The following LPIN2 variants were observed in gnomAD, a reference collection of about 807,000 sequenced individuals.
LPIN2 encodes the protein phosphatidate phosphatase LPIN2.
In LPIN2, 55 loss-of-function variants were observed where a neutral mutation model predicts 111.4. That is an observed-to-expected ratio of 0.49 (90% confidence interval 0.40 to 0.62). The LOEUF (loss-of-function observed/expected upper bound fraction) is 0.62. Ranked by LOEUF, LPIN2 falls within the 20% of genes least tolerant of loss-of-function variation. The pLI is 0.00. For synonymous variants in LPIN2, 425 were observed against 414.0 expected (o/e 1.03, Z -0.32); for missense variants, 992 against 1,112.1 (o/e 0.89, Z 1.54).
intron 1 of LPIN2, among the ~76,000 whole-genome samples, chr18:2,988,489 ATG>A (rs1405840514): frequency 6.6e-6 from 1 of 152,232 alleles, no homozygotes; most frequent in African/African-American, 2.4e-5. Context: ...CTTGACTGAG[ATG>A]TGTAAGAAAA....
chr18:2,952,714 T>C (rs2077555051), intron 3 of LPIN2, among the ~76,000 whole-genome samples: 1 of 152,224 alleles, frequency 6.6e-6, no homozygotes. Flanking sequence ...CAATGATCTT[T>C]ATTTTACTTA....
chr18:2,919,385 G>A lies in LPIN2; in HGVS notation c.*908C>T, dbSNP rs758307175. ...TGAATCACAGAATTTTAGAAATCCTGTCCCAAGGCAAGATGCTTTCCAAAG... is the reference window on the plus strand; with the variant it reads ...TGAATCACAGAATTTTAGAAATCCTATCCCAAGGCAAGATGCTTTCCAAAG... On this transcript the variant is annotated 3_prime_UTR_variant, in exon 20 of 20. Coordinates refer to ENST00000677752, the MANE Select transcript of LPIN2 (RefSeq NM_001375808.2). 1.3e-5 allele frequency: 2 copies of A among 152,186 alleles called. No homozygotes were observed. Among genetic ancestry groups the A allele is most frequent in the Admixed American group, 6.5e-5 (1 of 15,274 alleles). 9.4% of individuals were successfully genotyped at this position (152,186 alleles called of 1,614,324 possible).
At chr18:3,010,701 C>A (rs1056935217) in intron 1 of LPIN2, among the ~76,000 whole-genome samples, 2 of 152,148 alleles carry the variant, frequency 1.3e-5, no homozygotes, top group African/African-American at 2.4e-5. Context: ...TAAGCACCTA[C>A]GGGAGATAAC....
At chr18:2,935,968 C>T (rs1319234629) in intron 7 of LPIN2, among the ~76,000 whole-genome samples, 1 of 152,164 alleles carries the variant, frequency 6.6e-6, no homozygotes, top group African/African-American at 2.4e-5. Flanking sequence ...AAAAACAAAG[C>T]ATTCATCCTA....
Position 2,925,443 on chromosome 18 carries a change from G to C in LPIN2, c.1794-75C>G. ...ATGAGAGCTTTTCATTTAGGATCAA[G>C]AAAATAAAGATATCCTAAATCTTTT... On this transcript the variant is annotated intron_variant, in intron 13 of 19. Coordinates refer to ENST00000677752, the MANE Select transcript of LPIN2 (RefSeq NM_001375808.2). The surrounding 1 kb of genome is among the most constrained non-coding windows in gnomAD (Gnocchi z 4.1). 1 of 1,581,802 alleles carries C rather than the reference G, an allele frequency of 6.3e-7. No homozygotes were observed. Among genetic ancestry groups the C allele is most frequent in the Non-Finnish European group, 8.7e-7 (1 of 1,153,058 alleles).
In LPIN2 at chr18:2,994,248, TTTC is replaced by T. The variant is rs928319314; in HGVS notation, c.-10+18836_-10+18838del. Among the ~76,000 whole-genome samples, 105 of 152,358 alleles carry T rather than the reference TTTC, an allele frequency of 6.9e-4. 1 individual carries two copies. Among genetic ancestry groups the T allele is most frequent in the African/African-American group, 2.2e-3 (93 of 41,582 alleles). ...CCAAAATACAAAGGCAGTAAGTGTT[TTTC>T]TTCTTCATTTCAGACCTCTAGGAAA... On this transcript the variant is annotated intron_variant, in intron 1 of 19. Transcript: ENST00000677752.
At chr18:2,921,136 ATCT>A in intron 18 of LPIN2, 1 of 574,936 alleles carries the variant, frequency 1.7e-6, no homozygotes, top group Non-Finnish European at 3.1e-6. Flanking sequence ...GAGAGGCCAC[ATCT>A]TCTGCACACC....
At chr18:2,976,619 C>T (rs1273049426) in intron 1 of LPIN2, among the ~76,000 whole-genome samples, 2 of 152,220 alleles carry the variant, frequency 1.3e-5, no homozygotes, top group African/African-American at 2.4e-5. Flanking sequence ...ACCCACTAAA[C>T]ATTTCCTGAG....
chr18:3,000,944 G>A (rs1293099391), intron 1 of LPIN2, among the ~76,000 whole-genome samples: 2 of 137,846 alleles, frequency 1.5e-5, no homozygotes, highest in Admixed American at 1.5e-4. Context: ...ATGGGTAGGG[G>A]GGAAAGGATA....
At chr18:2,921,167 GC>G (rs1300802012) in intron 18 of LPIN2, 5 of 555,350 alleles carry the variant, frequency 9.0e-6, no homozygotes, top group African/African-American at 7.6e-5. Context: ...CGATGGCCCT[GC>G]AGAAGGGAGG....
At position 2,919,903 on chromosome 18, in the gene LPIN2, G is replaced by A. The variant is rs1279680975; in HGVS notation, c.*390C>T. 9.8e-6 allele frequency: 3 copies of A among 304,622 alleles called. No homozygotes were observed. Among genetic ancestry groups the A allele is most frequent in the South Asian group, 9.5e-5 (3 of 31,438 alleles). 18.9% of individuals were successfully genotyped at this position (304,622 alleles called of 1,614,324 possible). ...TCTGAAGACAGCCCTGGTTACAGAA[G>A]CCACCTCAACTGCCCAGTGGAAACT... is the stretch of plus-strand genomic sequence containing the variant. On this transcript the variant is annotated 3_prime_UTR_variant, in exon 20 of 20. Coordinates refer to ENST00000677752, the MANE Select transcript of LPIN2 (RefSeq NM_001375808.2).
intron 1 of LPIN2, among the ~76,000 whole-genome samples, chr18:3,004,870 T>A (rs2078488371): frequency 6.6e-6 from 1 of 152,216 alleles, no homozygotes; most frequent in South Asian, 2.1e-4. Flanking sequence ...AGGTTTACCT[T>A]GTCCAACTCA....
rs540007205 is a variant in LPIN2, at chr18:2,931,290, G to A, written c.1422C>T (p.Cys474=). ...TTTCTCCATTTTCACTGAGGCCCCC[G>A]CAAAGGGAGAGGGTAACGTCAGGCA... ...MDLPDVTLSL[C]GGLSENGEIS... The change falls in exon 9 of 20, where the codon TGC becomes TGT. Residue 474 remains cysteine (C), a synonymous_variant. Transcript: ENST00000677752. 1.5e-5 allele frequency: 25 copies of A among 1,614,130 alleles called. No individual in the cohort carries two copies. The highest frequency in any genetic ancestry group is 3.3e-4 in the Middle Eastern group (2 of 6,062).
At chr18:2,928,080 C>T (rs1374816422) in intron 11 of LPIN2, among the ~76,000 whole-genome samples, 2 of 152,206 alleles carry the variant, frequency 1.3e-5, no homozygotes, top group Non-Finnish European at 2.9e-5. Context: ...TCTCATTTAT[C>T]TATCTTTGGA....
chr18:2,920,112 G>T lies in LPIN2; in HGVS notation c.*181C>A. On this transcript the variant is annotated 3_prime_UTR_variant, in exon 20 of 20. Transcript: ENST00000677752. ...CCTCCCTTCTCCTTCCAGGAGCTGA[G>T]CTGCAGACCTGCCGAGCCTGAGCAG... 1.3e-6 allele frequency: 1 copy of T among 745,024 alleles called. No individual in the cohort carries two copies. Among genetic ancestry groups the T allele is most frequent in the Non-Finnish European group, 2.2e-6 (1 of 447,444 alleles). 46.2% of individuals were successfully genotyped at this position (745,024 alleles called of 1,614,324 possible).
chr18:2,997,762 G>A (rs2078367874), intron 1 of LPIN2, among the ~76,000 whole-genome samples: 4 of 152,200 alleles, frequency 2.6e-5, no homozygotes, highest in Admixed American at 2.6e-4. Flanking sequence ...CACAGAAGTA[G>A]CAGGAGGATT....
chr18:2,970,200 T>A (rs992041431), intron 1 of LPIN2, among the ~76,000 whole-genome samples: 1 of 152,200 alleles, frequency 6.6e-6, no homozygotes, highest in Non-Finnish European at 1.5e-5. Context: ...AACAGACACA[T>A]AATGCAATGG....
chr18:2,969,439 C>T (rs2077866733), intron 1 of LPIN2, among the ~76,000 whole-genome samples: 1 of 152,188 alleles, frequency 6.6e-6, no homozygotes, highest in Non-Finnish European at 1.5e-5. Context: ...TTTGGAGGAT[C>T]TGAGGTTCTA....
Position 2,934,405 on chromosome 18 carries a change from A to T in LPIN2, c.1214T>A (p.Leu405His). 6.2e-7 allele frequency: 1 copy of T among 1,613,958 alleles called. No homozygotes were observed. Among genetic ancestry groups the T allele is most frequent in the Non-Finnish European group, 8.5e-7 (1 of 1,179,904 alleles). Residue 405 changes from leucine to histidine, a missense_variant, in exon 8 of 20, where the codon CTT becomes CAT. Leu to His is a moderately conservative substitution (Grantham distance 99). Transcript: ENST00000677752. ...AGGTTCTAGACCCTTTAAGTCATCAAGGTAAATATCATCAGGTCCCTGGTG... is the reference window on the plus strand; with the variant it reads ...AGGTTCTAGACCCTTTAAGTCATCATGGTAAATATCATCAGGTCCCTGGTG... ...SQHQGPDDIY[L>H]DDLKGLEPEV... is the part of the protein sequence containing the mutation.
Sources: gnomAD v4.1 joint callset for allele counts (sites outside exome capture counted in the v4.1 genomes callset) on GRCh38, gnomAD v4.1.1 for gene constraint, Gnocchi (gnomAD v3.1) non-coding constraint, MANE v1.5 for transcripts, NCBI Gene and HGNC (gene_info 2026-07-23, HGNC 2026-07-21) for gene names.